Variants in PRKCZ observed in about 807,000 individuals in gnomAD.
PRKCZ encodes the protein protein kinase C zeta, also known as protein kinase C zeta type.
A neutral mutation model predicts 79.5 loss-of-function variants in PRKCZ; 33 were observed. The observed-to-expected ratio is 0.41, with a 90% CI of 0.31 to 0.55. The LOEUF is 0.55. Ranked by LOEUF, PRKCZ falls within the 20% of genes least tolerant of loss-of-function variation. The pLI, the probability that PRKCZ is intolerant of heterozygous loss-of-function variation, is 0.19. For synonymous variants in PRKCZ, 342 were observed against 320.9 expected (o/e 1.07, Z -0.70); for missense variants, 578 against 813.5 (o/e 0.71, Z 3.52).
At chr1:2,081,953 C>A (rs1663613031) in intron 4 of PRKCZ, among the ~76,000 whole-genome samples, 1 of 152,256 alleles carries the variant, frequency 6.6e-6, no homozygotes, top group Admixed American at 6.5e-5. Flanking sequence ...GCCCATTTGT[C>A]CCCTGCTGGG....
Position 2,067,439 on chromosome 1 carries a change from G to C in PRKCZ, c.334+7848G>C, listed in dbSNP as rs146710206. Among the ~76,000 whole-genome samples the C allele has an allele frequency of 3.3e-5, 5 of 152,340 alleles. 1 individual carries two copies. Among genetic ancestry groups the C allele is most frequent in the African/African-American group, 9.6e-5 (4 of 41,572 alleles). On this transcript the variant is annotated intron_variant, in intron 4 of 17. Coordinates refer to ENST00000378567, the MANE Select transcript of PRKCZ (RefSeq NM_002744.6). ...GGGGCTGGGTCGTTCGGGGCTGAGC[G>C]TGTGATGAGATCAGGAGCGCCTGGT...
intron 4 of PRKCZ, among the ~76,000 whole-genome samples, chr1:2,087,428 G>A (rs1299859504): frequency 6.6e-6 from 1 of 152,086 alleles, no homozygotes; most frequent in Non-Finnish European, 1.5e-5. Context: ...GAGGCGCCAC[G>A]GCTCACCGTG....
intron 3 of PRKCZ, 60 bp from the exon 4 acceptor site, chr1:2,059,479 CGT>C: frequency 6.3e-7 from 1 of 1,590,716 alleles, no homozygotes; most frequent in Non-Finnish European, 8.6e-7. Flanking sequence ...GGACTTCCTC[CGT>C]GAGACTGTTG....
intron 4 of PRKCZ, chr1:2,133,900 A>G (rs3128293): frequency 0.68 from 103,030 of 151,580 alleles, 35,671 homozygotes; most frequent in African/African-American, 0.83. Flanking sequence ...GAGCCACATG[A>G]GGGGTCACCC....
chr1:2,180,737 C>T (rs568247398), intron 16 of PRKCZ, among the ~76,000 whole-genome samples: 4 of 152,326 alleles, frequency 2.6e-5, no homozygotes, highest in Admixed American at 1.3e-4. Flanking sequence ...GCTGTGCTGC[C>T]ACCCCAGGGC....
intron 4 of PRKCZ, among the ~76,000 whole-genome samples, chr1:2,124,731 C>T (rs1204576416): frequency 6.6e-6 from 1 of 152,064 alleles, no homozygotes; most frequent in African/African-American, 2.4e-5. Flanking sequence ...GTTTTTGTCT[C>T]CAGTGAGATG....
rs1482360950 is a variant in PRKCZ at position 2,165,935 on chromosome 1, T to G, written c.975-3583T>G. Among the ~76,000 whole-genome samples, 1 of 152,168 alleles carries G rather than the reference T, an allele frequency of 6.6e-6. No individual in the cohort carries two copies. The highest frequency in any genetic ancestry group is 1.9e-4 in the East Asian group (1 of 5,178). On this transcript the variant is annotated intron_variant, in intron 10 of 17. Transcript: ENST00000378567. This position sits in a 1 kb window ranked among gnomAD's most constrained non-coding sequence, Gnocchi z 4.1. ...CGCCCCCTAGGAGGTTTCGTGAGCT[T>G]CCAGCATCCCCCTGCGGCCACTGTC...
At chr1:2,114,203 G>T (rs1670300563) in intron 4 of PRKCZ, among the ~76,000 whole-genome samples, 1 of 151,606 alleles carries the variant, frequency 6.6e-6, no homozygotes, top group Non-Finnish European at 1.5e-5. Flanking sequence ...TGGAAGGAGG[G>T]ACCCCGGATG....
At chr1:2,068,151 T>G (rs1335167847) in intron 4 of PRKCZ, among the ~76,000 whole-genome samples, 1 of 152,184 alleles carries the variant, frequency 6.6e-6, no homozygotes, top group Non-Finnish European at 1.5e-5. Flanking sequence ...GAGCAGCTCC[T>G]CCGGGGCAGA....
chr1:2,165,431 C>T lies in PRKCZ; in HGVS notation c.975-4087C>T, dbSNP rs1431301655. 2.6e-5 allele frequency among the ~76,000 whole-genome samples: 4 copies of T among 152,144 alleles called. No individual in the cohort carries two copies. Among genetic ancestry groups the T allele is most frequent in the Admixed American group, 1.3e-4 (2 of 15,284 alleles). On this transcript the variant is annotated intron_variant, in intron 10 of 17. Coordinates refer to ENST00000378567, the MANE Select transcript of PRKCZ (RefSeq NM_002744.6). This position sits in a 1 kb window ranked among gnomAD's most constrained non-coding sequence, Gnocchi z 4.1. The stretch of plus-strand genomic sequence containing the variant: ...AACGTCCCCTAACCTGTCTGTGCCT[C>T]GGCTTCCCCATCTGTAAAATGGCGA...
intron 4 of PRKCZ, chr1:2,073,619 A>G (rs185572015): frequency 3.5e-4 from 350 of 988,908 alleles, no homozygotes; most frequent in Non-Finnish European, 4.0e-4. Context: ...CTGTGACGTC[A>G]GCGTCAGCTC....
At position 2,178,428 on chromosome 1, in the gene PRKCZ, C is replaced by T. The variant is rs1557750408; in HGVS notation, c.1575+3115C>T. On this transcript the variant is annotated intron_variant, in intron 16 of 17. Coordinates refer to ENST00000378567, the MANE Select transcript of PRKCZ (RefSeq NM_002744.6). This position sits in a 1 kb window ranked among gnomAD's most constrained non-coding sequence, Gnocchi z 4.3. ...TGCGTGGAGACTGCACCTCTGCATC[C>T]GTCCTCAGTGGACATAGGGTGGCCT... Among the ~76,000 whole-genome samples, 2 of 152,262 alleles carry T rather than the reference C, an allele frequency of 1.3e-5. No homozygotes were observed. Among genetic ancestry groups the T allele is most frequent in the Admixed American group, 1.3e-4 (2 of 15,292 alleles).
chr1:2,157,654 C>T (rs1320331049), intron 10 of PRKCZ, among the ~76,000 whole-genome samples: 1 of 151,762 alleles, frequency 6.6e-6, no homozygotes, highest in African/African-American at 2.4e-5. Context: ...CATCTGCCCT[C>T]TGCAGCCTCC....
intron 4 of PRKCZ, chr1:2,135,001 C>T: frequency 3.2e-6 from 1 of 316,910 alleles, no homozygotes; most frequent in Non-Finnish European, 5.9e-6. Context: ...CGTGGTGGAT[C>T]CTGTCCGCCC....
At chr1:2,089,537 G>A (rs954639753) in intron 4 of PRKCZ, among the ~76,000 whole-genome samples, 3 of 152,202 alleles carry the variant, frequency 2.0e-5, no homozygotes, top group African/African-American at 7.2e-5. Context: ...CTGGTTCACA[G>A]CCAGAGCCTT....
intron 4 of PRKCZ, among the ~76,000 whole-genome samples, chr1:2,133,389 C>T (rs1443923487): frequency 1.3e-4 from 20 of 151,360 alleles, no homozygotes; most frequent in Admixed American, 1.3e-3. Flanking sequence ...GCGTCTGGCC[C>T]TCAGCTCCAC....
intron 15 of PRKCZ, 116 bp from the exon 16 acceptor site, chr1:2,175,108 C>T: frequency 1.1e-6 from 1 of 886,244 alleles, no homozygotes; most frequent in South Asian, 1.5e-5. Flanking sequence ...TTTCCACCAC[C>T]TGGGTCAGAG....
chr1:2,060,821 C>T (rs894425677), intron 4 of PRKCZ, among the ~76,000 whole-genome samples: 12 of 152,074 alleles, frequency 7.9e-5, no homozygotes, highest in Non-Finnish European at 1.5e-4. Context: ...AGGCAGGGGG[C>T]GGGGAGGCTT....
chr1:2,115,652 C>T (rs1458343600), intron 4 of PRKCZ, among the ~76,000 whole-genome samples: 1 of 152,180 alleles, frequency 6.6e-6, no homozygotes, highest in East Asian at 1.9e-4. Context: ...GGCTGTGAAT[C>T]GGGGGTGTCC....
Sources: allele counts gnomAD v4.1 joint callset (sites outside exome capture counted in the v4.1 genomes callset), GRCh38; gene constraint gnomAD v4.1.1; non-coding constraint Gnocchi (gnomAD v3.1); transcripts MANE v1.5; gene names NCBI Gene and HGNC (gene_info 2026-07-23, HGNC 2026-07-21).